The following COL9A3 variants were observed in gnomAD, a reference collection of about 807,000 sequenced individuals.
The protein encoded by COL9A3 is collagen type IX alpha 3 chain.
A neutral mutation model predicts 110.2 loss-of-function variants in COL9A3; 82 were observed. The ratio of observed to expected loss-of-function variants is 0.74; its 90% CI spans 0.62 to 0.89. COL9A3 has a LOEUF of 0.89. COL9A3 is among the 40% of genes least tolerant of loss of function. COL9A3 has a pLI of 0.00. For synonymous variants in COL9A3, 494 were observed against 403.8 expected, an observed-to-expected ratio of 1.22 and a Z score of -2.68; for missense variants, 1,066 against 981.3, an observed-to-expected ratio of 1.09 and a Z score of -1.15.
chr20:62,835,988 C>A, intron 27 of COL9A3, 35 bp downstream of exon 27: 1 of 1,614,148 alleles, frequency 6.2e-7, no homozygotes, highest in Non-Finnish European at 8.5e-7. Context: ...TGACACCATC[C>A]ATGGGCGCCT....
At chr20:62,831,819 TGATTA>T in intron 24 of COL9A3, 1 of 408,736 alleles carries the variant, frequency 2.4e-6, no homozygotes, top group Non-Finnish European at 4.6e-6. Context: ...CGGGGGAAGG[TGATTA>T]GATGAGCTTT....
At position 62,819,914 on chromosome 20, in the gene COL9A3, T is replaced by A; in HGVS notation, c.256-15T>A. 1.9e-6 allele frequency: 3 copies of A among 1,612,758 alleles called. No individual in the cohort carries two copies. The highest frequency in any genetic ancestry group is 2.5e-6 in the Non-Finnish European group (3 of 1,179,972). ...CCCATGTGGCCCCTCGAGCTCGCCC[T>A]CTGCCTCTCCCCAGGGTCTGACTGG... On this transcript the variant is annotated splice_polypyrimidine_tract_variant and intron_variant, in intron 4 of 31. Coordinates refer to ENST00000649368, the MANE Select transcript of COL9A3 (RefSeq NM_001853.4).
rs1431659709 is a variant in COL9A3, at chr20:62,826,277, G to GTGGGGGCCGGCCAGGTGGC, written c.738+29_738+47dup. ...GACCGGGTAAGTCCTGCAGCCCCTA[G>GTGGGGGCCGGCCAGGTGGC]TGGGGGCCGGCCAGGTGGCTGGGGG... On this transcript the variant is annotated intron_variant, in intron 14 of 31. Transcript: ENST00000649368. The GTGGGGGCCGGCCAGGTGGC allele has an allele frequency of 1.4e-5, 21 of 1,546,090 alleles. No individual in the cohort carries two copies. The highest frequency in any genetic ancestry group is 1.7e-5 in the Non-Finnish European group (20 of 1,146,438).
At chr20:62,830,196 C>T (rs1600802759) in intron 22 of COL9A3, among the ~76,000 whole-genome samples, 164 bp from the exon 23 acceptor site, 2 of 152,106 alleles carry the variant, frequency 1.3e-5, no homozygotes, top group Non-Finnish European at 1.5e-5. Flanking sequence ...CTAAACTGCC[C>T]TGGGAGGTAG....
intron 22 of COL9A3, 140 bp from the exon 23 acceptor site, chr20:62,830,220 C>A: frequency 9.8e-7 from 1 of 1,018,478 alleles, no homozygotes; most frequent in Non-Finnish European, 1.5e-6. Context: ...TGCCTTTGTC[C>A]CCAGCAACCC....
rs145729725 is a variant in COL9A3 at position 62,829,791 on chromosome 20, G to C, written c.1133G>C (p.Arg378Pro). The C allele has an allele frequency of 3.8e-6, 6 of 1,585,112 alleles. No homozygotes were observed. The highest frequency in any genetic ancestry group is 4.3e-6 in the Non-Finnish European group (5 of 1,166,226). ...VPGDAGMPGE[R>P]GEAGHRGSAG... ...GGAGATGCTGGCATGCCTGGGGAGC[G>C]CGGTGAGGCTGGCCACCGGGGCTCA... The change falls in exon 22 of 32, where the codon CGC becomes CCC. Residue 378 changes from arginine to proline, a missense_variant. Transcript: ENST00000649368.
intron 10 of COL9A3, 21 bp downstream of exon 10, chr20:62,822,653 G>A (rs1249797671): frequency 1.5e-5 from 24 of 1,610,284 alleles, no homozygotes; most frequent in Admixed American, 3.3e-5. Flanking sequence ...GAAGCCATTT[G>A]TTAAGGGTGC....
intron 3 of COL9A3, 81 bp from the exon 4 acceptor site, chr20:62,819,141 A>C (rs1991033851): frequency 7.2e-7 from 1 of 1,381,396 alleles, no homozygotes; most frequent in African/African-American, 1.4e-5. Flanking sequence ...GGGGAAGTGG[A>C]AAGCATTTTG....
At chr20:62,828,734 C>T (rs764301897) in intron 17 of COL9A3, 30 bp from the exon 18 acceptor site, 19 of 1,611,714 alleles carry the variant, frequency 1.2e-5, no homozygotes, top group African/African-American at 5.3e-5. Context: ...GGCCACTGCC[C>T]GACGGGCCTT....
Position 62,833,011 on chromosome 20 carries a change from C to T in COL9A3, c.1324-9C>T, listed in dbSNP as rs566118768. 8.7e-6 allele frequency: 14 copies of T among 1,613,476 alleles called. No homozygotes were observed. The South Asian group carries it at 1.2e-4, about 14-fold the overall frequency. ...CAGCTCTTTTAACTTTGGGGTGTAT[C>T]GTTTTCAGGGTATTGCAGGTTCCGA... is the stretch of plus-strand genomic sequence containing the variant. On this transcript the variant is annotated splice_polypyrimidine_tract_variant and intron_variant, in intron 25 of 31. Coordinates refer to ENST00000649368, the MANE Select transcript of COL9A3 (RefSeq NM_001853.4).
At position 62,840,681 on chromosome 20, in the gene COL9A3, A is replaced by G. The variant is rs2063670500; in HGVS notation, c.2004A>G (p.Gln668=). 1 of 1,602,928 alleles carries G rather than the reference A, an allele frequency of 6.2e-7. No homozygotes were observed. The highest frequency in any genetic ancestry group is 2.2e-5 in the East Asian group (1 of 44,494). ...TPGICDTSAC[Q]GAVLGGVGEK... is the part of the protein sequence containing the mutation. ...GGATCTGCGACACCTCAGCCTGCCAAGGAGCCGTGTTAGGAGGGGTCGGGG... is the reference window on the plus strand; with the variant it reads ...GGATCTGCGACACCTCAGCCTGCCAGGGAGCCGTGTTAGGAGGGGTCGGGG... Residue 668 remains glutamine (Q), a synonymous_variant, in exon 32 of 32, where the codon CAA becomes CAG. Coordinates refer to ENST00000649368, the MANE Select transcript of COL9A3 (RefSeq NM_001853.4).
At chr20:62,836,654 A>G in intron 29 of COL9A3, 122 bp downstream of exon 29, 2 of 1,079,470 alleles carry the variant, frequency 1.9e-6, no homozygotes, top group Non-Finnish European at 2.6e-6. Context: ...CCTAGCACTC[A>G]CCCCGCCTGT....
At chr20:62,822,805 T>C (rs997745766) in intron 10 of COL9A3, among the ~76,000 whole-genome samples, 173 bp downstream of exon 10, 1 of 151,260 alleles carries the variant, frequency 6.6e-6, no homozygotes, top group Non-Finnish European at 1.5e-5. Flanking sequence ...AGAGGCTGGC[T>C]GGGACCTCCC....
At chr20:62,824,857 T>C in intron 11 of COL9A3, 111 bp from the exon 12 acceptor site, 3 of 1,171,642 alleles carry the variant, frequency 2.6e-6, no homozygotes, top group Admixed American at 4.0e-5. Context: ...TCCTGTGCGC[T>C]GCCGTGTGGC....
intron 15 of COL9A3, 102 bp from the exon 16 acceptor site, chr20:62,827,139 C>T (rs1339440917): frequency 3.4e-6 from 4 of 1,182,698 alleles, no homozygotes; most frequent in East Asian, 4.7e-5. Flanking sequence ...CTGACCACTC[C>T]TGGAGGGCTG....
In COL9A3 at chr20:62,832,209, G is replaced by A. The variant is rs2063602348; in HGVS notation, c.1323+20G>A. ...GACCAGGTGAGCTGGGCACAGGCTG[G>A]GGCAAAAGGAATGAAGGCAAAGCTG... On this transcript the variant is annotated intron_variant, in intron 25 of 31. Coordinates refer to ENST00000649368, the MANE Select transcript of COL9A3 (RefSeq NM_001853.4). 1.3e-5 allele frequency: 21 copies of A among 1,612,208 alleles called. No individual in the cohort carries two copies. Among genetic ancestry groups the A allele is most frequent in the Non-Finnish European group, 1.8e-5 (21 of 1,179,234 alleles).
intron 30 of COL9A3, 128 bp downstream of exon 30, chr20:62,837,393 C>A: frequency 1.0e-6 from 1 of 982,172 alleles, no homozygotes; most frequent in South Asian, 1.4e-5. Flanking sequence ...GGGGGCCTCT[C>A]ATGTTTTGGG....
intron 19 of COL9A3, 59 bp from the exon 20 acceptor site, chr20:62,829,396 G>A (rs2063577992): frequency 8.1e-6 from 13 of 1,607,578 alleles, no homozygotes; most frequent in Middle Eastern, 1.7e-4. Flanking sequence ...ACGCCCCTGG[G>A]TGCTGCTGCC....
chr20:62,825,703 T>C, intron 12 of COL9A3, 114 bp from the exon 13 acceptor site: 2 of 1,072,884 alleles, frequency 1.9e-6, no homozygotes. Context: ...AAGGCCCAGC[T>C]GTGAAGGGGG....
Sources: gnomAD v4.1 joint callset for allele counts (sites outside exome capture counted in the v4.1 genomes callset) on GRCh38, gnomAD v4.1.1 for gene constraint, MANE v1.5 for transcripts, NCBI Gene and HGNC (gene_info 2026-07-23, HGNC 2026-07-21) for gene names.